Variants in DOCK8 observed in about 807,000 individuals in gnomAD.
The protein encoded by DOCK8 is dedicator of cytokinesis protein 8.
In DOCK8, 141 loss-of-function variants were observed where a neutral mutation model predicts 245.6. The observed-to-expected ratio is 0.57, with a 90% CI of 0.50 to 0.66. The LOEUF (loss-of-function observed/expected upper bound fraction) is 0.66, where lower values mean the gene tolerates loss of function less well. DOCK8 is among the 30% of genes least tolerant of loss of function. DOCK8 has a pLI of 0.00. For synonymous variants in DOCK8, 1,168 were observed against 970.2 expected (o/e 1.20, Z -3.79); for missense variants, 2,965 against 2,603.4 (o/e 1.14, Z -3.02).
chr9:333,566 A>G (rs760215923), intron 10 of DOCK8, among the ~76,000 whole-genome samples: 1 of 150,888 alleles, frequency 6.6e-6, no homozygotes, highest in Non-Finnish European at 1.5e-5. Flanking sequence ...GTGCCACTGC[A>G]CTCCAGCCTG....
intron 1 of DOCK8, among the ~76,000 whole-genome samples, chr9:223,891 G>A (rs2046934933): frequency 6.6e-6 from 1 of 152,006 alleles, no homozygotes; most frequent in Non-Finnish European, 1.5e-5. Context: ...TACTTCTGGG[G>A]TGTGTGTGTA....
chr9:461,022 T>G (rs563357649), intron 46 of DOCK8, among the ~76,000 whole-genome samples: 1 of 152,356 alleles, frequency 6.6e-6, no homozygotes, highest in South Asian at 2.1e-4. Context: ...GATTTGTAAG[T>G]TCCCTTGGGT....
Position 443,502 on chromosome 9 carries a change from T to C in DOCK8, c.5566T>C (p.Leu1856=). The change falls in exon 43 of 48, where the codon TTG becomes CTG. Residue 1856 remains leucine (L), a synonymous_variant. Coordinates refer to ENST00000432829, the MANE Select transcript of DOCK8 (RefSeq NM_203447.4). ...CTCCACTCCTGTGGACAAAACCAAG[T>C]TGGATCCTAACAAGGTATACAAAAA... ...KDSTPVDKTK[L]DPNKAYIQIT... is the part of the protein sequence containing the mutation. 1 of 1,614,002 alleles carries C rather than the reference T, an allele frequency of 6.2e-7. No homozygotes were observed. The highest frequency in any genetic ancestry group is 8.5e-7 in the Non-Finnish European group (1 of 1,179,968).
chr9:404,000 A>C (rs1470248638), intron 26 of DOCK8, among the ~76,000 whole-genome samples: 1 of 133,506 alleles, frequency 7.5e-6, no homozygotes, highest in Non-Finnish European at 1.5e-5. Context: ...ATGTGTATAT[A>C]TATATATATA....
At chr9:389,786 C>A (rs1196009760) in intron 23 of DOCK8, among the ~76,000 whole-genome samples, 1 of 151,858 alleles carries the variant, frequency 6.6e-6, no homozygotes, top group Admixed American at 6.6e-5. Context: ...GAGGCCAAGG[C>A]GGGTGGATTG....
At chr9:429,568 A>T in intron 35 of DOCK8, 134 bp from the exon 36 acceptor site, 3 of 1,043,114 alleles carry the variant, frequency 2.9e-6, no homozygotes, top group African/African-American at 1.6e-5. Context: ...CACATAGCTC[A>T]TTATCTTTAT....
At chr9:339,473 A>G (rs778867191) in intron 13 of DOCK8, among the ~76,000 whole-genome samples, 4 of 152,138 alleles carry the variant, frequency 2.6e-5, no homozygotes, top group Non-Finnish European at 5.9e-5. Context: ...GCAGCCCTGG[A>G]GGTACTTCTG....
At chr9:339,156 C>G in intron 13 of DOCK8, 57 bp downstream of exon 13, 1 of 1,435,440 alleles carries the variant, frequency 7.0e-7, no homozygotes, top group South Asian at 1.2e-5. Flanking sequence ...TATCGTTAGA[C>G]ACAGTCTTTG....
intron 35 of DOCK8, among the ~76,000 whole-genome samples, chr9:428,790 A>G (rs2056596930): frequency 1.3e-5 from 2 of 152,140 alleles, no homozygotes; most frequent in African/African-American, 4.8e-5. Context: ...GTGACTTAGC[A>G]ATTTCACTCT....
intron 2 of DOCK8, among the ~76,000 whole-genome samples, chr9:275,798 A>G (rs554340099): frequency 1.0e-3 from 153 of 152,234 alleles, no homozygotes; most frequent in African/African-American, 3.5e-3. Context: ...CATGTTGGCC[A>G]GGCTGGTCAC....
At chr9:402,625 G>A (rs1278825054) in intron 26 of DOCK8, among the ~76,000 whole-genome samples, 1 of 152,170 alleles carries the variant, frequency 6.6e-6, no homozygotes, top group Non-Finnish European at 1.5e-5. Context: ...TTACAAAGTC[G>A]TCTGACTTTA....
intron 15 of DOCK8, chr9:368,462 G>C: frequency 1.7e-6 from 1 of 604,318 alleles, no homozygotes; most frequent in Admixed American, 2.8e-5. Context: ...CTCAACACGT[G>C]CGCCATGTTT....
In DOCK8 at chr9:376,853, C is replaced by T. The variant is rs575644355; in HGVS notation, c.2206-124C>T. On this transcript the variant is annotated intron_variant, in intron 19 of 47. Transcript: ENST00000432829. ...TCGGTCTGAAACATCATGTCTTAGA[C>T]CTTCTGGTCTGAAACGCTGGATAAG... 4.0e-5 allele frequency: 34 copies of T among 859,404 alleles called. No homozygotes were observed. In the South Asian group the frequency reaches 4.3e-4, roughly 11 times the overall value. 53.2% of individuals were successfully genotyped at this position (859,404 alleles called of 1,614,324 possible).
intron 26 of DOCK8, among the ~76,000 whole-genome samples, chr9:400,349 C>A (rs867783916): frequency 1.3e-5 from 1 of 79,518 alleles, no homozygotes; most frequent in Non-Finnish European, 2.7e-5. Context: ...TCCACCACCA[C>A]CACCTCCTCC....
intron 5 of DOCK8, among the ~76,000 whole-genome samples, chr9:307,683 T>G (rs1403741014): frequency 6.6e-6 from 1 of 152,012 alleles, no homozygotes; most frequent in African/African-American, 2.4e-5. Flanking sequence ...AGAGCCAACT[T>G]GATCATATGA....
chr9:433,624 A>C (rs2056793668), intron 37 of DOCK8, among the ~76,000 whole-genome samples: 1 of 152,182 alleles, frequency 6.6e-6, no homozygotes, highest in African/African-American at 2.4e-5. Flanking sequence ...AAAATGTTGG[A>C]GATAGAGATA....
At chr9:391,311 T>C (rs1341886813) in intron 24 of DOCK8, among the ~76,000 whole-genome samples, 15 of 152,210 alleles carry the variant, frequency 9.9e-5, no homozygotes, top group Admixed American at 9.8e-4. Flanking sequence ...TCTTTCCTAG[T>C]GGTTATCACA....
rs550288435 is a variant in DOCK8, at chr9:443,036, C to G, written c.5491-391C>G. On this transcript the variant is annotated intron_variant, in intron 42 of 47. Coordinates refer to ENST00000432829, the MANE Select transcript of DOCK8 (RefSeq NM_203447.4). ...CCACTTGGTTCCCTATATTGTTTCCCCTACTTAGAATTAGAGGTATATATT... is the reference window on the plus strand; with the variant it reads ...CCACTTGGTTCCCTATATTGTTTCCGCTACTTAGAATTAGAGGTATATATT... 6.6e-5 allele frequency among the ~76,000 whole-genome samples: 10 copies of G among 152,254 alleles called. 1 individual carries two copies. The South Asian group carries it at 2.1e-3, about 32-fold the overall frequency.
intron 2 of DOCK8, among the ~76,000 whole-genome samples, chr9:281,698 A>T (rs2048594521): frequency 6.6e-6 from 1 of 151,880 alleles, no homozygotes; most frequent in South Asian, 2.1e-4. Context: ...TACTCTTGAG[A>T]TTAAGACTCC....
Sources: allele counts gnomAD v4.1 joint callset (sites outside exome capture counted in the v4.1 genomes callset), GRCh38; gene constraint gnomAD v4.1.1; transcripts MANE v1.5; gene names NCBI Gene and HGNC (gene_info 2026-07-23, HGNC 2026-07-21).